NIBAN1: variants seen among roughly 807,000 people sequenced by gnomAD.
The protein encoded by NIBAN1 is niban apoptosis regulator 1.
A neutral mutation model predicts 75.1 loss-of-function variants in NIBAN1; 81 were observed. The ratio of observed to expected loss-of-function variants is 1.08; its 90% CI spans 0.90 to 1.30. NIBAN1 has a LOEUF of 1.30. Among genes scored for constraint, NIBAN1 ranks in the 50% most tolerant of loss-of-function variants. NIBAN1 has a pLI of 0.00. For missense variants in NIBAN1, 1,133 were observed against 1,128.1 expected (o/e 1.00, Z -0.06); for synonymous variants, 436 against 424.8 (o/e 1.03, Z -0.32).
intron 1 of NIBAN1, among the ~76,000 whole-genome samples, chr1:184,912,324 G>A (rs1276761576): frequency 6.6e-6 from 1 of 152,012 alleles, no homozygotes; most frequent in Non-Finnish European, 1.5e-5. Context: ...GAACATTGGT[G>A]CACGAATCTC....
At chr1:184,884,861 T>C (rs1244531669) in intron 4 of NIBAN1, 61 bp from the exon 5 acceptor site, 9 of 1,568,724 alleles carry the variant, frequency 5.7e-6, no homozygotes, top group East Asian at 2.3e-5. Flanking sequence ...TTCAAATGTG[T>C]GTTTCAGGTC....
At chr1:184,808,838 C>T (rs1234148815) in intron 9 of NIBAN1, among the ~76,000 whole-genome samples, 1 of 152,158 alleles carries the variant, frequency 6.6e-6, no homozygotes, top group Non-Finnish European at 1.5e-5. Context: ...GGGGTCCCTC[C>T]TACTCTAGTT....
At chr1:184,834,375 G>C (rs577734941) in intron 5 of NIBAN1, among the ~76,000 whole-genome samples, 30 of 152,276 alleles carry the variant, frequency 2.0e-4, no homozygotes, top group African/African-American at 7.0e-4. Flanking sequence ...TATATACCCA[G>C]TAATGGGATG....
chr1:184,876,287 A>G (rs1656232066), intron 5 of NIBAN1, among the ~76,000 whole-genome samples: 1 of 152,168 alleles, frequency 6.6e-6, no homozygotes, highest in Non-Finnish European at 1.5e-5. Flanking sequence ...GAGAATAAAG[A>G]GGGCATCATG....
intron 1 of NIBAN1, among the ~76,000 whole-genome samples, chr1:184,957,809 C>T (rs879786374): frequency 6.6e-6 from 1 of 152,152 alleles, no homozygotes; most frequent in Non-Finnish European, 1.5e-5. Context: ...AGGAAATTAT[C>T]GTGCCTGTTT....
intron 1 of NIBAN1, among the ~76,000 whole-genome samples, chr1:184,927,060 C>A (rs1657702146): frequency 6.6e-6 from 1 of 152,108 alleles, no homozygotes; most frequent in Admixed American, 6.6e-5. Flanking sequence ...TGAATTCCTC[C>A]TCTGTGTTAT....
At chr1:184,909,211 G>A (rs999472524) in intron 1 of NIBAN1, among the ~76,000 whole-genome samples, 1 of 152,156 alleles carries the variant, frequency 6.6e-6, no homozygotes, top group Non-Finnish European at 1.5e-5. Flanking sequence ...CTTAAAATAA[G>A]CCAGGCCACA....
chr1:184,819,610 G>C (rs1375158112), intron 8 of NIBAN1, among the ~76,000 whole-genome samples: 1 of 152,218 alleles, frequency 6.6e-6, no homozygotes, highest in East Asian at 1.9e-4. Flanking sequence ...TGATCAGCTA[G>C]GAAGACGCAA....
intron 1 of NIBAN1, among the ~76,000 whole-genome samples, chr1:184,928,664 A>G (rs114336081): frequency 6.6e-6 from 1 of 152,082 alleles, no homozygotes; most frequent in East Asian, 1.9e-4. Flanking sequence ...CCAAGCATAC[A>G]GATTCTGTCT....
rs1025924116 is a variant in NIBAN1 at position 184,973,818 on chromosome 1, C to A, written c.55+484G>T. ...ATCCTGCAAGTGCTAGGATGAAGTG[C>A]GAGCGAAGCTGCGGCCAACGCCGCG... is the stretch of plus-strand genomic sequence containing the variant. On this transcript the variant is annotated intron_variant, in intron 1 of 13. Transcript: ENST00000367511. Among the ~76,000 whole-genome samples, 7 of 152,354 alleles carry A rather than the reference C, an allele frequency of 4.6e-5. No individual in the cohort carries two copies. In the South Asian group the frequency reaches 1.4e-3, roughly 32 times the overall value.
At chr1:184,855,180 G>A (rs1393063546) in intron 5 of NIBAN1, among the ~76,000 whole-genome samples, 1 of 152,150 alleles carries the variant, frequency 6.6e-6, no homozygotes, top group African/African-American at 2.4e-5. Context: ...GTTGTAACTA[G>A]TTACTAGTTA....
chr1:184,820,606 C>T (rs1190495420), intron 8 of NIBAN1, among the ~76,000 whole-genome samples: 1 of 152,222 alleles, frequency 6.6e-6, no homozygotes, highest in Non-Finnish European at 1.5e-5. Flanking sequence ...TGCTATTTTT[C>T]AAGCATGCAG....
chr1:184,888,825 C>T (rs992204615), intron 4 of NIBAN1, among the ~76,000 whole-genome samples: 19 of 152,166 alleles, frequency 1.2e-4, no homozygotes, highest in African/African-American at 4.6e-4. Flanking sequence ...CTGCCAAGGG[C>T]ATATAAGTAG....
intron 5 of NIBAN1, among the ~76,000 whole-genome samples, chr1:184,879,710 G>A (rs992178470): frequency 6.6e-6 from 1 of 152,154 alleles, no homozygotes; most frequent in Non-Finnish European, 1.5e-5. Context: ...AAACTTGCAA[G>A]TATCAAAATC....
At chr1:184,945,035 A>C (rs774514738) in intron 1 of NIBAN1, among the ~76,000 whole-genome samples, 2 of 152,234 alleles carry the variant, frequency 1.3e-5, no homozygotes, top group African/African-American at 4.8e-5. Context: ...TTAACAAACT[A>C]TCTGGCCAAA....
intron 1 of NIBAN1, among the ~76,000 whole-genome samples, chr1:184,962,860 A>G (rs1658687076): frequency 6.6e-6 from 1 of 152,202 alleles, no homozygotes; most frequent in African/African-American, 2.4e-5. Flanking sequence ...ACACTGGTAA[A>G]TAAAAGGAAA....
At position 184,889,245 on chromosome 1, in the gene NIBAN1, GA is replaced by G. The variant is rs548265801; in HGVS notation, c.433+862del. Among the ~76,000 whole-genome samples the G allele has an allele frequency of 3.3e-5, 5 of 152,294 alleles. No individual in the cohort carries two copies. In the East Asian group the frequency reaches 9.6e-4, roughly 29 times the overall value. ...TGAGAATCAAAGAAGGTTAGACCTA[GA>G]AAGACCCTTCTAGGTTTTTAAGTTC... On this transcript the variant is annotated intron_variant, in intron 4 of 13. Transcript: ENST00000367511.
intron 4 of NIBAN1, 81 bp downstream of exon 4, chr1:184,890,027 C>G: frequency 9.2e-7 from 1 of 1,089,950 alleles, no homozygotes; most frequent in Non-Finnish European, 1.4e-6. Flanking sequence ...GGAAATCCCT[C>G]TCCTTCACAG....
intron 1 of NIBAN1, among the ~76,000 whole-genome samples, chr1:184,934,271 G>A (rs1473290406): frequency 6.6e-6 from 1 of 152,080 alleles, no homozygotes; most frequent in East Asian, 1.9e-4. Flanking sequence ...TAAACATTGA[G>A]TACTCATGGA....
Sources: allele counts gnomAD v4.1 joint callset (sites outside exome capture counted in the v4.1 genomes callset), GRCh38; gene constraint gnomAD v4.1.1; transcripts MANE v1.5; gene names NCBI Gene and HGNC (gene_info 2026-07-23, HGNC 2026-07-21).